The following PKD1 variants were observed in gnomAD, a reference collection of about 807,000 sequenced individuals.
PKD1 encodes the protein polycystin-1.
A neutral mutation model predicts 361.7 loss-of-function variants in PKD1; 81 were observed. That is an observed-to-expected ratio of 0.22 (90% CI 0.19 to 0.27). PKD1 has a LOEUF of 0.27. Ranked by LOEUF, PKD1 falls within the 10% of genes least tolerant of loss-of-function variation. The probability of loss-of-function intolerance (pLI) is 1.00; values close to 1 mark genes in which losing one functional copy is unlikely to be tolerated. For synonymous variants in PKD1, 3,615 were observed against 2,818.3 expected (o/e 1.28, Z -8.95); for missense variants, 6,399 against 6,118.3 (o/e 1.05, Z -1.53).
Position 2,091,855 on chromosome 16 carries a change from C to G in PKD1, c.11463G>C (p.Gln3821His), listed in dbSNP as rs534949676. The G allele has an allele frequency of 6.2e-7, 1 of 1,610,666 alleles. No homozygotes were observed. The highest frequency in any genetic ancestry group is 2.2e-5 in the East Asian group (1 of 44,818). The change falls in exon 41 of 46, where the codon CAG (glutamine) becomes CAC (histidine). Residue 3821 changes from glutamine to histidine, a missense_variant. By Grantham distance (24) the Gln-to-His change is conservative. Coordinates refer to ENST00000262304, the MANE Select transcript of PKD1 (RefSeq NM_001009944.3). ...CAVYDSGGYVQELGLSLEESR... is the reference protein window; with the variant it reads ...CAVYDSGGYVHELGLSLEESR... The stretch of plus-strand genomic sequence containing the variant: ...TCTCCTCCAGGCTCAGGCCCAGCTC[C>G]TGCACGTAGCCCCCGCTGTCATACA...
Position 2,092,209 on chromosome 16 carries a change from G to A in PKD1, c.11270-21C>T, listed in dbSNP as rs770044542. The A allele has an allele frequency of 8.9e-6, 14 of 1,573,358 alleles. No individual in the cohort carries two copies. The Admixed American group carries it at 2.6e-4, about 29-fold the overall frequency. The stretch of plus-strand genomic sequence containing the variant: ...GAGTGCTGAAACACACAGAGCCCCA[G>A]GCCGGGGCCAGGGCCTCATCAAAAC... On this transcript the variant is annotated intron_variant, in intron 39 of 45. Coordinates refer to ENST00000262304, the MANE Select transcript of PKD1 (RefSeq NM_001009944.3).
chr16:2,125,802 G>A (rs1000541526), intron 1 of PKD1, among the ~76,000 whole-genome samples: 2 of 151,944 alleles, frequency 1.3e-5, no homozygotes, highest in African/African-American at 2.4e-5. Flanking sequence ...GGAGCCAGGC[G>A]TTGTGACCCC....
Position 2,109,773 on chromosome 16 carries a change from C to A in PKD1, c.5394G>T (p.Val1798=), listed in dbSNP as rs754291314. 2.2e-5 allele frequency: 35 copies of A among 1,609,898 alleles called. No individual in the cohort carries two copies. Among genetic ancestry groups the A allele is most frequent in the Non-Finnish European group, 3.0e-5 (35 of 1,179,548 alleles). Residue 1798 remains valine, a synonymous_variant, in exon 15 of 46, where the codon GTG becomes GTT. Transcript: ENST00000262304. Reference sequence around the variant, plus strand: ...TGCTGAGGCCACTCACAGGCACCTGCACATCCACTTCCACGGTGGCGTTGG... The same window carrying A: ...TGCTGAGGCCACTCACAGGCACCTGAACATCCACTTCCACGGTGGCGTTGG... ...GSANATVEVD[V]QVPVSGLSIR...
At position 2,089,118 on chromosome 16, in the gene PKD1, C is replaced by T. The variant is rs1383841911; in HGVS notation, c.*609G>A. 1.7e-5 allele frequency: 3 copies of T among 174,250 alleles called. No homozygotes were observed. The highest frequency in any genetic ancestry group is 3.7e-5 in the Non-Finnish European group (3 of 81,178). 10.8% of individuals were successfully genotyped at this position (174,250 alleles called of 1,614,324 possible). ...GACAGCTGTGCCCCCAGCACCGGCC[C>T]AAGGCCAAGCTCGCATCCAAGCAGC... is the stretch of plus-strand genomic sequence containing the variant. On this transcript the variant is annotated 3_prime_UTR_variant, in exon 46 of 46. Coordinates refer to ENST00000262304, the MANE Select transcript of PKD1 (RefSeq NM_001009944.3).
chr16:2,125,848 G>A (rs1413404598), intron 1 of PKD1, among the ~76,000 whole-genome samples: 2 of 152,180 alleles, frequency 1.3e-5, no homozygotes, highest in Non-Finnish European at 2.9e-5. Context: ...TTCACAGCCT[G>A]TGTGGGCAGG....
Position 2,109,230 on chromosome 16 carries a change from G to A in PKD1, c.5937C>T (p.Cys1979=), listed in dbSNP as rs754333013. ...TGCCCGTGGCGATGCCAGGCTCGCAGCAGTTGGGCACCTGCAGCCCACTCA... is the reference window on the plus strand; with the variant it reads ...TGCCCGTGGCGATGCCAGGCTCGCAACAGTTGGGCACCTGCAGCCCACTCA... ...EAVSGLQVPN[C]CEPGIATGTE... is the part of the protein sequence containing the mutation. Residue 1979 remains cysteine (C), a synonymous_variant, in exon 15 of 46, where the codon TGC becomes TGT. Coordinates refer to ENST00000262304, the MANE Select transcript of PKD1 (RefSeq NM_001009944.3). 1.9e-6 allele frequency: 3 copies of A among 1,590,766 alleles called. No individual in the cohort carries two copies. Among genetic ancestry groups the A allele is most frequent in the Admixed American group, 1.7e-5 (1 of 59,528 alleles).
In PKD1 at chr16:2,110,138, C is replaced by T. The variant is rs2092461427; in HGVS notation, c.5029G>A (p.Ala1677Thr). Residue 1677 changes from alanine to threonine, a missense_variant, in exon 15 of 46, where the codon GCC becomes ACC. Transcript: ENST00000262304. ...AGCGAGAAGCCTTTGCCGCTGCCGG[C>T]CAGGGCCGGGCCCCTGTCCCTCCAG... The part of the protein sequence containing the change: ...TAWRDRGPAL[A>T]GSGKGFSLTV... 5 of 1,609,630 alleles carry T rather than the reference C, an allele frequency of 3.1e-6. No homozygotes were observed. Among genetic ancestry groups the T allele is most frequent in the Non-Finnish European group, 4.2e-6 (5 of 1,179,370 alleles).
At chr16:2,107,422 C>T (rs577424151) in intron 16 of PKD1, 58 of 359,652 alleles carry the variant, frequency 1.6e-4, no homozygotes, top group South Asian at 1.2e-3. Flanking sequence ...CTGAGGAAAG[C>T]AGGGACTGGG....
At position 2,115,891 on chromosome 16, in the gene PKD1, A is replaced by G. The variant is rs556927656; in HGVS notation, c.1849+101T>C. 45 of 1,333,962 alleles carry G rather than the reference A, an allele frequency of 3.4e-5. No individual in the cohort carries two copies. In the South Asian group the frequency reaches 5.3e-4, roughly 16 times the overall value. The allele number at this position is 1,333,962 out of a possible 1,614,324, so 82.6% of individuals were successfully genotyped here. ...CTGCTCTGTCCACCTAAGACTGGGA[A>G]CCACTCTGGTGGCCACAGGACCAGC... On this transcript the variant is annotated intron_variant, in intron 9 of 45. Coordinates refer to ENST00000262304, the MANE Select transcript of PKD1 (RefSeq NM_001009944.3).
In PKD1 at chr16:2,097,141, C is replaced by T; in HGVS notation, c.10499+7G>A. Reference sequence around the variant, plus strand: ...AATCCCCCCTCCCCCGAGAGCCGGACACTCACAGGCTGCTGAGCAGGTCCG... The same window carrying T: ...AATCCCCCCTCCCCCGAGAGCCGGATACTCACAGGCTGCTGAGCAGGTCCG... On this transcript the variant is annotated splice_region_variant and intron_variant, in intron 34 of 45. Transcript: ENST00000262304. 2 of 1,547,114 alleles carry T rather than the reference C, an allele frequency of 1.3e-6. No individual in the cohort carries two copies. Among genetic ancestry groups the T allele is most frequent in the South Asian group, 1.2e-5 (1 of 84,086 alleles).
At chr16:2,125,389 G>C (rs1433204335) in intron 1 of PKD1, among the ~76,000 whole-genome samples, 1 of 152,166 alleles carries the variant, frequency 6.6e-6, no homozygotes, top group Non-Finnish European at 1.5e-5. Context: ...GGGTCTCTGG[G>C]TCCCAGACAC....
rs547698258 is a variant in PKD1 at position 2,115,479 on chromosome 16, C to T, written c.1996G>A (p.Ala666Thr). ...LDASCHPQAC[A>T]NGCTSGPGLP... The stretch of plus-strand genomic sequence containing the variant: ...CCTGGCCCTGACGTGCAGCCATTGG[C>T]GCAGGCCTGGGGGTGGCAGGAGGCG... Residue 666 changes from alanine to threonine, a missense_variant, in exon 10 of 46, where the codon GCC becomes ACC. Physicochemically the swap from Ala to Thr is moderately conservative, Grantham distance 58 (BLOSUM62 0). Transcript: ENST00000262304. 3.6e-5 allele frequency: 58 copies of T among 1,601,752 alleles called. No individual in the cohort carries two copies. The highest frequency in any genetic ancestry group is 2.3e-4 in the Middle Eastern group (1 of 4,420).
intron 1 of PKD1, among the ~76,000 whole-genome samples, chr16:2,133,606 T>TG (rs944436813): frequency 3.3e-5 from 5 of 151,928 alleles, no homozygotes; most frequent in African/African-American, 1.2e-4. Context: ...GAGGGTGGCC[T>TG]GGGGGGCCAG....
In PKD1 at chr16:2,090,785, C is replaced by T. The variant is rs770344022; in HGVS notation, c.12027G>A (p.Val4009=). ...LVKAAQQLRF[V]RQWSVFGKTL... is the part of the protein sequence containing the mutation. ...TCTTGCCAAAGACGGACCACTGGCGCACGAAGCGTAGCTGCTGGGCAGCCT... is the reference window on the plus strand; with the variant it reads ...TCTTGCCAAAGACGGACCACTGGCGTACGAAGCGTAGCTGCTGGGCAGCCT... The change falls in exon 44 of 46, where the codon GTG becomes GTA. Residue 4009 remains valine (V), a synonymous_variant. Coordinates refer to ENST00000262304, the MANE Select transcript of PKD1 (RefSeq NM_001009944.3). 6 of 1,612,604 alleles carry T rather than the reference C, an allele frequency of 3.7e-6. No individual in the cohort carries two copies. The Admixed American group carries it at 5.0e-5, about 13-fold the overall frequency.
Position 2,108,957 on chromosome 16 carries a change from G to A in PKD1, c.6210C>T (p.Pro2070=), listed in dbSNP as rs374597662. ...ACTGCGCCGAGCGGTTGGTGAAGCAGGGGCCGCTCTGCAGGGCCACATACT... is the reference window on the plus strand; with the variant it reads ...ACTGCGCCGAGCGGTTGGTGAAGCAAGGGCCGCTCTGCAGGGCCACATACT... ...AVQYVALQSG[P]CFTNRSAQFE... is the part of the protein sequence containing the mutation. Residue 2070 remains proline, a synonymous_variant, in exon 15 of 46, where the codon CCC becomes CCT. Coordinates refer to ENST00000262304, the MANE Select transcript of PKD1 (RefSeq NM_001009944.3). 160 of 1,608,150 alleles carry A rather than the reference G, an allele frequency of 9.9e-5. No individual in the cohort carries two copies. Among genetic ancestry groups the A allele is most frequent in the Non-Finnish European group, 1.3e-4 (151 of 1,178,696 alleles).
In PKD1 at chr16:2,114,984, G is replaced by A. The variant is rs186639272; in HGVS notation, c.2098-59C>T. 276 of 1,519,180 alleles carry A rather than the reference G, an allele frequency of 1.8e-4. No individual in the cohort carries two copies. In the African/African-American group the frequency reaches 3.4e-3, roughly 19 times the overall value. 94.1% of individuals were successfully genotyped at this position (1,519,180 alleles called of 1,614,324 possible). On this transcript the variant is annotated intron_variant, in intron 10 of 45. Coordinates refer to ENST00000262304, the MANE Select transcript of PKD1 (RefSeq NM_001009944.3). ...TCACGGTCATGGCCCGTGGACCCCC[G>A]CACGACGGATGAGGGTGGACACGCA...
chr16:2,115,904 C>T (rs2092625603), intron 9 of PKD1, 88 bp downstream of exon 9: 6 of 1,422,700 alleles, frequency 4.2e-6, no homozygotes, highest in Non-Finnish European at 5.8e-6. Context: ...ACTCTGGTGG[C>T]CACAGGACCA....
rs1262822151 is a variant in PKD1, at chr16:2,109,659, G to C, written c.5508C>G (p.Ser1836Arg). ...WGQLATGTNV[S>R]WCWAVPGGSS... Reference sequence around the variant, plus strand: ...TGCCGCCGGGCACAGCCCAGCACCAGCTCACATTGGTGCCCGTGGCCAGCT... The same window carrying C: ...TGCCGCCGGGCACAGCCCAGCACCACCTCACATTGGTGCCCGTGGCCAGCT... The change falls in exon 15 of 46, where the codon AGC (serine) becomes AGG (arginine). Residue 1836 changes from serine to arginine, a missense_variant. Coordinates refer to ENST00000262304, the MANE Select transcript of PKD1 (RefSeq NM_001009944.3). 2 of 1,589,140 alleles carry C rather than the reference G, an allele frequency of 1.3e-6. No individual in the cohort carries two copies. The highest frequency in any genetic ancestry group is 3.5e-5 in the Admixed American group (2 of 56,536).
chr16:2,106,284 C>A lies in PKD1; in HGVS notation c.7510G>T (p.Ala2504Ser). The A allele has an allele frequency of 6.2e-7, 1 of 1,609,950 alleles. No homozygotes were observed. Among genetic ancestry groups the A allele is most frequent in the Non-Finnish European group, 8.5e-7 (1 of 1,179,358 alleles). Residue 2504 changes from alanine (A) to serine (S), a missense_variant, in exon 19 of 46, where the codon GCT becomes TCT. Transcript: ENST00000262304. The surrounding 1 kb of genome is among the most constrained non-coding windows in gnomAD (Gnocchi z 6.5). ...AGGGCGTACACCAGCGGGGCGCCAG[C>A]ATCCTCCGCGTCATGCCAGCCTGAG... ...ECTGWHDAEDAGAPLVYALLL... is the reference protein window; with the variant it reads ...ECTGWHDAEDSGAPLVYALLL...
Sources: allele counts gnomAD v4.1 joint callset (sites outside exome capture counted in the v4.1 genomes callset), GRCh38; gene constraint gnomAD v4.1.1; non-coding constraint Gnocchi (gnomAD v3.1); transcripts MANE v1.5; gene names NCBI Gene and HGNC (gene_info 2026-07-23, HGNC 2026-07-21).